The following CTTNBP2 variants were observed in gnomAD, a reference collection of about 807,000 sequenced individuals.
CTTNBP2 encodes the protein cortactin binding protein 2, also known as cortactin-binding protein 2.
CTTNBP2 carries 108 observed loss-of-function variants against 156.9 expected under a neutral mutation model. The ratio of observed to expected loss-of-function variants is 0.69; its 90% CI spans 0.59 to 0.81. The LOEUF (loss-of-function observed/expected upper bound fraction) is 0.81, where lower values mean the gene tolerates loss of function less well. Ranked by LOEUF, CTTNBP2 falls within the 30% of genes least tolerant of loss-of-function variation. The pLI is 0.00. For missense variants in CTTNBP2, 1,924 were observed against 2,035.4 expected, an observed-to-expected ratio of 0.95 and a Z score of 1.05; for synonymous variants, 767 against 751.8, an observed-to-expected ratio of 1.02 and a Z score of -0.33.
At chr7:117,828,764 T>C (rs1253827718) in intron 2 of CTTNBP2, among the ~76,000 whole-genome samples, 1 of 152,242 alleles carries the variant, frequency 6.6e-6, no homozygotes, top group East Asian at 1.9e-4. Context: ...GTGTATACAA[T>C]TTTTCTCCAG....
rs1044994158 is a variant in CTTNBP2 at position 117,791,460 on chromosome 7, A to C, written c.1736T>G (p.Val579Gly). Residue 579 changes from valine (V) to glycine (G), a missense_variant, in exon 4 of 23, where the codon GTT (valine) becomes GGT (glycine). Transcript: ENST00000160373. ...SSRASNTGAK[V>G]DNKTVASTPS... Reference sequence around the variant, plus strand: ...AGTCGAAGCCACAGTTTTGTTATCAACTTTGGCCCCTGTGTTCGAGGCCCT... The same window carrying C: ...AGTCGAAGCCACAGTTTTGTTATCACCTTTGGCCCCTGTGTTCGAGGCCCT... 6.2e-7 allele frequency: 1 copy of C among 1,614,052 alleles called. No homozygotes were observed. Among genetic ancestry groups the C allele is most frequent in the African/African-American group, 1.3e-5 (1 of 74,914 alleles).
rs150454757 is a variant in CTTNBP2, at chr7:117,791,525, A to G, written c.1671T>C (p.Ser557=). ...PKKPGLSQTP[S]PPHPQLKVII... Reference sequence around the variant, plus strand: ...TAACCTTGAGTTGGGGGTGTGGTGGAGAAGGAGTTTGGGAGAGCCCTGGCT... The same window carrying G: ...TAACCTTGAGTTGGGGGTGTGGTGGGGAAGGAGTTTGGGAGAGCCCTGGCT... The change falls in exon 4 of 23, where the codon TCT becomes TCC. Residue 557 remains serine (S), a synonymous_variant. Coordinates refer to ENST00000160373, the MANE Select transcript of CTTNBP2 (RefSeq NM_033427.3). 2 of 1,614,000 alleles carry G rather than the reference A, an allele frequency of 1.2e-6. No individual in the cohort carries two copies. The highest frequency in any genetic ancestry group is 1.7e-6 in the Non-Finnish European group (2 of 1,179,988).
At chr7:117,834,382 A>G (rs1801801117) in intron 2 of CTTNBP2, among the ~76,000 whole-genome samples, 1 of 152,118 alleles carries the variant, frequency 6.6e-6, no homozygotes, top group Non-Finnish European at 1.5e-5. Flanking sequence ...TGTATATTTG[A>G]CTAAGGGTAT....
intron 14 of CTTNBP2, among the ~76,000 whole-genome samples, chr7:117,741,037 C>G (rs1795984275): frequency 6.6e-6 from 1 of 152,144 alleles, no homozygotes; most frequent in African/African-American, 2.4e-5. Context: ...AGCTTTCATT[C>G]TGGAGCCTTG....
intron 21 of CTTNBP2, 63 bp from the exon 22 acceptor site, chr7:117,718,182 A>G: frequency 8.2e-6 from 8 of 975,792 alleles, no homozygotes; most frequent in Non-Finnish European, 1.3e-5. Flanking sequence ...CTCAAGGCAC[A>G]GCTAAATGGT....
intron 1 of CTTNBP2, among the ~76,000 whole-genome samples, chr7:117,872,614 A>G (rs1297168234): frequency 2.0e-5 from 3 of 152,142 alleles, no homozygotes; most frequent in Non-Finnish European, 2.9e-5. Context: ...GACTCCAGAG[A>G]AGGAGAACAA....
In CTTNBP2 at chr7:117,789,719, T is replaced by C. The variant is rs184026222; in HGVS notation, c.2068+1409A>G. 2.8e-4 allele frequency among the ~76,000 whole-genome samples: 42 copies of C among 151,208 alleles called. 1 individual carries two copies. The highest frequency in any genetic ancestry group is 2.7e-3 in the Admixed American group (41 of 15,256). On this transcript the variant is annotated intron_variant, in intron 4 of 22. Coordinates refer to ENST00000160373, the MANE Select transcript of CTTNBP2 (RefSeq NM_033427.3). Reference sequence around the variant, plus strand: ...AGTAATATCACCTCTATTTATTGATTACTCATGCTATTCTAAGCTCAATAC... The same window carrying C: ...AGTAATATCACCTCTATTTATTGATCACTCATGCTATTCTAAGCTCAATAC...
At chr7:117,838,094 C>A (rs376280439) in intron 2 of CTTNBP2, among the ~76,000 whole-genome samples, 10 of 152,286 alleles carry the variant, frequency 6.6e-5, no homozygotes, top group African/African-American at 2.2e-4. Context: ...ACATTAGCCT[C>A]AAGGATGTAA....
intron 16 of CTTNBP2, among the ~76,000 whole-genome samples, chr7:117,730,289 C>T (rs879436075): frequency 5.3e-4 from 80 of 152,128 alleles, no homozygotes; most frequent in African/African-American, 1.9e-3. Flanking sequence ...GATAGAGAGG[C>T]CTCCACCCCA....
intron 2 of CTTNBP2, among the ~76,000 whole-genome samples, chr7:117,822,703 G>A (rs1801039795): frequency 6.6e-6 from 1 of 152,130 alleles, no homozygotes; most frequent in South Asian, 2.1e-4. Context: ...TCTCATTTAA[G>A]TCTATTGAGG....
chr7:117,742,825 C>T (rs554704442), intron 14 of CTTNBP2, among the ~76,000 whole-genome samples: 1 of 152,260 alleles, frequency 6.6e-6, no homozygotes, highest in South Asian at 2.1e-4. Context: ...ACATAAAAAC[C>T]TGGATTTCTG....
intron 12 of CTTNBP2, among the ~76,000 whole-genome samples, chr7:117,748,031 T>C (rs1047598420): frequency 2.7e-5 from 4 of 150,400 alleles, no homozygotes; most frequent in African/African-American, 1.0e-4. Context: ...ACACCTTCAA[T>C]AAAAGGCTTA....
At chr7:117,717,867 A>C (rs1794528906) in intron 22 of CTTNBP2, 151 bp downstream of exon 22, 1 of 533,164 alleles carries the variant, frequency 1.9e-6, no homozygotes, top group South Asian at 3.0e-5. Context: ...CTCTTTCTAA[A>C]ACCTAATGAA....
chr7:117,722,381 C>CAACT (rs1794845561), intron 19 of CTTNBP2, among the ~76,000 whole-genome samples: 1 of 151,834 alleles, frequency 6.6e-6, no homozygotes, highest in African/African-American at 2.4e-5. Flanking sequence ...GTTTCTAACC[C>CAACT]AACTACTGAC....
chr7:117,845,798 G>A (rs1802546784), intron 2 of CTTNBP2, among the ~76,000 whole-genome samples: 1 of 152,098 alleles, frequency 6.6e-6, no homozygotes, highest in African/African-American at 2.4e-5. Context: ...ATCTGTCCTG[G>A]TATTTTAAGC....
At chr7:117,782,827 T>G in intron 6 of CTTNBP2, 35 bp downstream of exon 6, 1 of 1,494,650 alleles carries the variant, frequency 6.7e-7, no homozygotes. Context: ...GAGGCTCCTT[T>G]GATGGTGGGA....
At chr7:117,768,274 A>G (rs1797607262) in intron 8 of CTTNBP2, among the ~76,000 whole-genome samples, 1 of 152,040 alleles carries the variant, frequency 6.6e-6, no homozygotes, top group African/African-American at 2.4e-5. Flanking sequence ...AAGAAATACC[A>G]TATCTGGCTG....
chr7:117,810,112 G>A (rs1800180714), intron 3 of CTTNBP2, among the ~76,000 whole-genome samples: 1 of 152,106 alleles, frequency 6.6e-6, no homozygotes, highest in African/African-American at 2.4e-5. Context: ...TGTGTGTGAT[G>A]GTGGGGGAGG....
intron 4 of CTTNBP2, among the ~76,000 whole-genome samples, chr7:117,788,371 A>G (rs749254116): frequency 6.6e-6 from 1 of 152,218 alleles, no homozygotes; most frequent in East Asian, 1.9e-4. Flanking sequence ...ATCCTGCCTT[A>G]CTATACTTAG....
Sources: gnomAD v4.1 joint callset for allele counts (sites outside exome capture counted in the v4.1 genomes callset) on GRCh38, gnomAD v4.1.1 for gene constraint, MANE v1.5 for transcripts, NCBI Gene and HGNC (gene_info 2026-07-23, HGNC 2026-07-21) for gene names.